RBFOX1: variants seen among roughly 807,000 people sequenced by gnomAD.
RBFOX1 encodes the protein RNA binding protein fox-1 homolog 1.
A neutral mutation model predicts 57.7 loss-of-function variants in RBFOX1; 8 were observed. The observed-to-expected ratio is 0.14, with a 90% CI of 0.08 to 0.25. The LOEUF is 0.25. Ranked by LOEUF, RBFOX1 falls within the 10% of genes least tolerant of loss-of-function variation. The pLI is 1.00. For synonymous variants in RBFOX1, 326 were observed against 222.4 expected, an observed-to-expected ratio of 1.47 and a Z score of -4.15; for missense variants, 611 against 548.5, an observed-to-expected ratio of 1.11 and a Z score of -1.14.
At chr16:6,637,894 C>T (rs1382901718) in intron 2 of RBFOX1, among the ~76,000 whole-genome samples, 3 of 152,116 alleles carry the variant, frequency 2.0e-5, no homozygotes, top group South Asian at 2.1e-4. Context: ...CAGTGAATTA[C>T]ATTTTACAGG....
intron 3 of RBFOX1, among the ~76,000 whole-genome samples, chr16:6,710,366 T>G (rs2063505553): frequency 6.6e-6 from 1 of 152,234 alleles, no homozygotes; most frequent in Admixed American, 6.5e-5. Context: ...TGCATTTTAT[T>G]TAACCCAAAT....
At chr16:7,165,786 G>T (rs2079352279) in intron 4 of RBFOX1, among the ~76,000 whole-genome samples, 1 of 152,004 alleles carries the variant, frequency 6.6e-6, no homozygotes, top group Non-Finnish European at 1.5e-5. Context: ...CTGTGACTCT[G>T]AATAGGGTGG....
intron 4 of RBFOX1, among the ~76,000 whole-genome samples, chr16:5,981,702 C>T (rs1238599175): frequency 1.3e-5 from 2 of 152,122 alleles, no homozygotes; most frequent in Admixed American, 6.5e-5. Flanking sequence ...CTCCTGACCT[C>T]GAGTGGTCCA....
chr16:7,109,209 A>G (rs1050398958), intron 4 of RBFOX1, among the ~76,000 whole-genome samples: 9 of 152,184 alleles, frequency 5.9e-5, no homozygotes, highest in Non-Finnish European at 2.9e-5. Flanking sequence ...ACAAGTATAA[A>G]GGATACCAGT....
intron 2 of RBFOX1, among the ~76,000 whole-genome samples, chr16:6,430,588 G>C (rs2094051398): frequency 6.6e-6 from 1 of 152,152 alleles, no homozygotes; most frequent in Admixed American, 6.5e-5. Flanking sequence ...GCTGTGCTTG[G>C]GAGCTGCAAG....
intron 2 of RBFOX1, among the ~76,000 whole-genome samples, chr16:6,572,253 T>C (rs899824747): frequency 6.6e-6 from 1 of 152,240 alleles, no homozygotes; most frequent in African/African-American, 2.4e-5. Flanking sequence ...GACAAATCTG[T>C]ATCAAATTCT....
intron 4 of RBFOX1, among the ~76,000 whole-genome samples, chr16:7,447,305 C>T (rs978830563): frequency 3.3e-5 from 5 of 151,804 alleles, no homozygotes; most frequent in Admixed American, 6.6e-5. Flanking sequence ...TGGTGGCACA[C>T]ACCTGTTATC....
chr16:6,678,321 C>T (rs552338176), intron 3 of RBFOX1, among the ~76,000 whole-genome samples: 4 of 152,074 alleles, frequency 2.6e-5, no homozygotes, highest in African/African-American at 9.7e-5. Context: ...GATGGGGTTT[C>T]ATCATGTTGG....
chr16:6,713,443 G>C (rs1455434607), intron 3 of RBFOX1, among the ~76,000 whole-genome samples: 4 of 152,002 alleles, frequency 2.6e-5, no homozygotes, highest in Non-Finnish European at 1.5e-5. Context: ...GGGACATTTA[G>C]AGCTGAATAA....
At chr16:5,340,011 C>T (rs575309350) in intron 1 of RBFOX1, among the ~76,000 whole-genome samples, 9 of 152,234 alleles carry the variant, frequency 5.9e-5, no homozygotes, top group East Asian at 3.9e-4. Flanking sequence ...GTAAGTGGTT[C>T]GTTCTCCCAG....
chr16:6,958,584 A>G (rs113686296), intron 3 of RBFOX1, among the ~76,000 whole-genome samples: 3 of 152,280 alleles, frequency 2.0e-5, no homozygotes, highest in African/African-American at 7.2e-5. Context: ...CAAACGGAAT[A>G]TTTCCTTTCA....
intron 3 of RBFOX1, among the ~76,000 whole-genome samples, chr16:6,790,149 A>G (rs1356923977): frequency 7.1e-6 from 1 of 140,716 alleles, no homozygotes; most frequent in Non-Finnish European, 1.5e-5. Flanking sequence ...TGACTCTTAG[A>G]TTCTGGATTT....
At chr16:6,668,547 C>G (rs2098746274) in intron 3 of RBFOX1, among the ~76,000 whole-genome samples, 1 of 152,150 alleles carries the variant, frequency 6.6e-6, no homozygotes, top group Admixed American at 6.5e-5. Flanking sequence ...CAAATAAGAG[C>G]TTTATATCAG....
chr16:7,228,644 T>G (rs2152900500), intron 4 of RBFOX1, among the ~76,000 whole-genome samples: 1 of 152,364 alleles, frequency 6.6e-6, no homozygotes, highest in East Asian at 1.9e-4. Flanking sequence ...CTCAGAATCT[T>G]CTTTTCTCTT....
At chr16:5,636,993 G>A (rs915706978) in intron 3 of RBFOX1, among the ~76,000 whole-genome samples, 1 of 152,178 alleles carries the variant, frequency 6.6e-6, no homozygotes, top group African/African-American at 2.4e-5. Flanking sequence ...TCTTCTTGTG[G>A]GAGTTCGGGC....
At chr16:6,665,637 A>G (rs567112422) in intron 3 of RBFOX1, among the ~76,000 whole-genome samples, 1 of 130,396 alleles carries the variant, frequency 7.7e-6, no homozygotes, top group Non-Finnish European at 1.7e-5. Context: ...AAAAAAAAAA[A>G]AAGAAGAAGG....
At chr16:6,118,635 CCT>C (rs2152621644) in intron 1 of RBFOX1, among the ~76,000 whole-genome samples, 1 of 151,182 alleles carries the variant, frequency 6.6e-6, no homozygotes, top group Admixed American at 6.6e-5. Flanking sequence ...TCCCTCTCTC[CCT>C]CTCTTTCTTT....
intron 6 of RBFOX1, among the ~76,000 whole-genome samples, chr16:7,583,242 A>C (rs1230087681): frequency 6.6e-6 from 1 of 151,890 alleles, no homozygotes; most frequent in East Asian, 1.9e-4. Flanking sequence ...TCTTTTAAAA[A>C]TACCGGTTGA....
chr16:6,876,216 A>G (rs116111465), intron 3 of RBFOX1, among the ~76,000 whole-genome samples: 1 of 152,010 alleles, frequency 6.6e-6, no homozygotes, highest in Non-Finnish European at 1.5e-5. Context: ...AACAAAAAGC[A>G]TCAGCAACAC....
Sources: allele counts gnomAD v4.1 joint callset (sites outside exome capture counted in the v4.1 genomes callset), GRCh38; gene constraint gnomAD v4.1.1; transcripts MANE v1.5; gene names NCBI Gene and HGNC (gene_info 2026-07-23, HGNC 2026-07-21).